GNL3L: variants seen among roughly 807,000 people sequenced by gnomAD.
The protein encoded by GNL3L is G protein nucleolar 3 like, also known as guanine nucleotide-binding protein-like 3-like protein.
In GNL3L, 4 loss-of-function variants were observed where a neutral mutation model predicts 42.9. The ratio of observed to expected loss-of-function variants is 0.09; its 90% CI spans 0.05 to 0.21. The LOEUF is 0.21. Among genes scored for constraint, GNL3L ranks in the 10% least tolerant of loss-of-function variants. The pLI is 1.00. For missense variants in GNL3L, 412 were observed against 481.7 expected (o/e 0.86, Z 1.36); for synonymous variants, 159 against 176.3 (o/e 0.90, Z 0.78).
At chrX:54,599,356 A>G (rs1925975437) in intron 16 of GNL3L, among the ~76,000 whole-genome samples, 1 of 111,892 alleles carries the variant, frequency 8.9e-6, no homozygotes, top group South Asian at 3.7e-4. Context: ...AAATGTTAAA[A>G]TATTTTCTTT....
At chrX:54,625,370 A>G (rs551043178), downstream of GNL3L, among the ~76,000 whole-genome samples, 1 of 108,575 alleles carries the variant, frequency 9.2e-6, no homozygotes, top group Admixed American at 1.0e-4. Context: ...AGTTTTTATC[A>G]TGATAGGGTG....
chrX:54,573,053 C>T (rs1925580083), intron 16 of GNL3L, among the ~76,000 whole-genome samples: 1 of 109,914 alleles, frequency 9.1e-6, no homozygotes, highest in Admixed American at 9.5e-5. Context: ...ACGCTCCTCA[C>T]TTTCCAGACT....
At position 54,559,913 on chromosome X, in the gene GNL3L, T is replaced by C. The variant is rs1404147127; in HGVS notation, c.1667-607T>C. Among the ~76,000 whole-genome samples, 4 of 111,587 alleles carry C rather than the reference T, an allele frequency of 3.6e-5. No individual in the cohort carries two copies. The Admixed American group carries it at 3.8e-4, about 11-fold the overall frequency. ...ATGAATTGCCTTTGAACTCCTAGTCTTATTAGGGAGTGAGGAGGAGACAAG... is the reference window on the plus strand; with the variant it reads ...ATGAATTGCCTTTGAACTCCTAGTCCTATTAGGGAGTGAGGAGGAGACAAG... On this transcript the variant is annotated intron_variant, in intron 15 of 15. Coordinates refer to ENST00000360845, the MANE Select transcript of GNL3L (RefSeq NM_001184819.2).
In GNL3L at chrX:54,548,297, T is replaced by G; in HGVS notation, c.699T>G (p.Ala233=). The change falls in exon 9 of 16, where the codon GCT becomes GCG. Residue 233 remains alanine (A), a synonymous_variant. Transcript: ENST00000360845. ...TGAAAAGCAAAGCCTGCTTTGGAGC[T>G]GAAAACCTCATGAGGGTTCTGGGGA... is the stretch of plus-strand genomic sequence containing the variant. ...SLLKSKACFG[A]ENLMRVLGNY... 8.3e-7 allele frequency: 1 copy of G among 1,202,895 alleles called. No homozygotes were observed. Among genetic ancestry groups the G allele is most frequent in the Non-Finnish European group, 1.1e-6 (1 of 887,673 alleles).
chrX:54,616,583 T>TCCC (rs1473672681), intron 16 of GNL3L, among the ~76,000 whole-genome samples: 1 of 111,531 alleles, frequency 9.0e-6, no homozygotes, highest in South Asian at 3.7e-4. Flanking sequence ...TTTAGTTTTT[T>TCCC]CCCCCCCTGA....
intron 5 of GNL3L, among the ~76,000 whole-genome samples, chrX:54,542,306 C>T (rs1437777849): frequency 2.0e-5 from 2 of 97,905 alleles, no homozygotes; most frequent in Non-Finnish European, 4.0e-5. Flanking sequence ...TCCAAGTGTT[C>T]TCATTGTTCA....
the GNL3L span, among the ~76,000 whole-genome samples, chrX:54,627,015 A>G: frequency 2.9e-5 from 3 of 105,086 alleles, no homozygotes; most frequent in South Asian, 1.2e-3. Context: ...AAACTTTTCA[A>G]TTTTTTTTTT....
At chrX:54,638,593 T>C in the GNL3L span, among the ~76,000 whole-genome samples, 28,076 of 110,862 alleles carry the variant, frequency 0.25, 6,886 homozygotes, top group African/African-American at 0.78. Flanking sequence ...GCTTCAGCCT[T>C]CTGAGTAGCT....
At chrX:54,644,262 T>A in the GNL3L span, among the ~76,000 whole-genome samples, 1 of 112,110 alleles carries the variant, frequency 8.9e-6, no homozygotes, top group Non-Finnish European at 1.9e-5. Flanking sequence ...TTTCTCAGCA[T>A]CCTTGCCAGC....
At chrX:54,538,739 C>T (rs1001316658) in intron 2 of GNL3L, among the ~76,000 whole-genome samples, 1 of 111,678 alleles carries the variant, frequency 9.0e-6, no homozygotes, top group Non-Finnish European at 1.9e-5. Context: ...TGTTGAGTTT[C>T]CCCCAGTAGG....
At chrX:54,572,888 C>T (rs1434908481) in intron 16 of GNL3L, among the ~76,000 whole-genome samples, 4 of 104,149 alleles carry the variant, frequency 3.8e-5, no homozygotes, top group Admixed American at 9.9e-5. Flanking sequence ...CGGGCAGAGG[C>T]GCTCCTCACA....
At chrX:54,630,708 T>TTCTTTCTTTA in the GNL3L span, among the ~76,000 whole-genome samples, 1 of 58,655 alleles carries the variant, frequency 1.7e-5, no homozygotes, top group African/African-American at 9.4e-5. Flanking sequence ...CTTTCTTTCT[T>TTCTTTCTTTA]TTTCTTTCTT....
chrX:54,537,332 A>G (rs58055487), intron 2 of GNL3L, among the ~76,000 whole-genome samples: 8,713 of 109,777 alleles, frequency 0.079, 714 homozygotes, highest in African/African-American at 0.25. Context: ...CTTGGTTGTT[A>G]ATCTTGCTGC....
At chrX:54,628,004 C>T in the GNL3L span, among the ~76,000 whole-genome samples, 1 of 110,340 alleles carries the variant, frequency 9.1e-6, no homozygotes, top group Non-Finnish European at 1.9e-5. Context: ...CACACCCCTC[C>T]CTCCCTTCCC....
At chrX:54,628,927 A>AAATATAATT in the GNL3L span, among the ~76,000 whole-genome samples, 6 of 106,213 alleles carry the variant, frequency 5.6e-5, no homozygotes, top group African/African-American at 1.7e-4. Flanking sequence ...ATAATTATAA[A>AAATATAATT]ATATAATTAT....
In GNL3L at chrX:54,551,928, T is replaced by C; in HGVS notation, c.1135T>C (p.Tyr379His). 5 of 1,211,761 alleles carry C rather than the reference T, an allele frequency of 4.1e-6. No individual in the cohort carries two copies. The highest frequency in any genetic ancestry group is 5.6e-6 in the Non-Finnish European group (5 of 895,214). The change falls in exon 12 of 16, where the codon TAT (tyrosine) becomes CAT (histidine). Residue 379 changes from tyrosine (Y) to histidine (H), a missense_variant. Transcript: ENST00000360845. ...GGGGAAGAAGAAGAAGGGAGGCTTA[T>C]ATAGTCAGGAACAGGCGGCCAAAGC... ...RLGKKKKGGLYSQEQAAKAVL... is the reference protein window; with the variant it reads ...RLGKKKKGGLHSQEQAAKAVL...
At chrX:54,581,947 G>A (rs1362582238) in intron 16 of GNL3L, among the ~76,000 whole-genome samples, 2 of 112,004 alleles carry the variant, frequency 1.8e-5, no homozygotes, top group South Asian at 3.7e-4. Flanking sequence ...GAATTTCTGA[G>A]TTATGTAGGA....
chrX:54,542,317 A>G (rs1208452470), intron 5 of GNL3L, among the ~76,000 whole-genome samples: 7 of 99,201 alleles, frequency 7.1e-5, no homozygotes, highest in East Asian at 3.3e-4. Context: ...TCATTGTTCA[A>G]TTCCCACCTA....
At chrX:54,590,489 G>A (rs1192287212) in intron 16 of GNL3L, among the ~76,000 whole-genome samples, 1 of 111,706 alleles carries the variant, frequency 9.0e-6, no homozygotes, top group Non-Finnish European at 1.9e-5. Flanking sequence ...TGATGAAAGA[G>A]TTGTTTGAAC....
Sources: allele counts gnomAD v4.1 joint callset (sites outside exome capture counted in the v4.1 genomes callset), GRCh38; gene constraint gnomAD v4.1.1; transcripts MANE v1.5; gene names NCBI Gene and HGNC (gene_info 2026-07-23, HGNC 2026-07-21).